CDKAL1: variants seen among roughly 807,000 people sequenced by gnomAD.
The protein encoded by CDKAL1 is CDKAL1 threonylcarbamoyladenosine tRNA methylthiotransferase, also known as threonylcarbamoyladenosine tRNA methylthiotransferase.
In CDKAL1, 32 loss-of-function variants were observed where a neutral mutation model predicts 68.2. That is an observed-to-expected ratio of 0.47 (90% CI 0.35 to 0.63). CDKAL1 has a LOEUF of 0.63. Among genes scored for constraint, CDKAL1 ranks in the 30% least tolerant of loss-of-function variants. The probability of loss-of-function intolerance (pLI) is 0.00; values close to 1 mark genes in which losing one functional copy is unlikely to be tolerated. For synonymous variants in CDKAL1, 234 were observed against 244.3 expected (o/e 0.96, Z 0.39); for missense variants, 606 against 696.7 (o/e 0.87, Z 1.47).
At chr6:20,941,994 A>G (rs1763994592) in intron 9 of CDKAL1, among the ~76,000 whole-genome samples, 1 of 152,206 alleles carries the variant, frequency 6.6e-6, no homozygotes, top group Admixed American at 6.5e-5. Flanking sequence ...AGCTCTCTAG[A>G]TTAGCCTCTC....
chr6:21,057,674 T>A (rs1395549653), intron 11 of CDKAL1, among the ~76,000 whole-genome samples: 3 of 115,920 alleles, frequency 2.6e-5, no homozygotes, highest in African/African-American at 9.9e-5. Flanking sequence ...TAAATTTTCC[T>A]CTTAACACTG....
intron 13 of CDKAL1, among the ~76,000 whole-genome samples, chr6:21,167,507 A>T (rs1034373748): frequency 6.6e-6 from 1 of 152,204 alleles, no homozygotes; most frequent in African/African-American, 2.4e-5. Context: ...CATTTAGCCC[A>T]TGTCACCAGA....
At position 20,770,826 on chromosome 6, in the gene CDKAL1, A is replaced by G. The variant is rs369361819; in HGVS notation, c.518-10319A>G. Among the ~76,000 whole-genome samples, 47 of 152,350 alleles carry G rather than the reference A, an allele frequency of 3.1e-4. No individual in the cohort carries two copies. The South Asian group carries it at 9.5e-3, about 31-fold the overall frequency. On this transcript the variant is annotated intron_variant, in intron 7 of 15. Transcript: ENST00000274695. ...TCAGTCAAAAGCAGGAAATCTAGGAAAAGGTACTGTGAAATAGATATAATC... is the reference window on the plus strand; with the variant it reads ...TCAGTCAAAAGCAGGAAATCTAGGAGAAGGTACTGTGAAATAGATATAATC...
intron 9 of CDKAL1, among the ~76,000 whole-genome samples, chr6:20,923,089 CT>C (rs1019883668): frequency 6.6e-6 from 1 of 151,888 alleles, no homozygotes; most frequent in African/African-American, 2.4e-5. Context: ...CTCTCTCTCT[CT>C]TTTTTTCTTT....
intron 9 of CDKAL1, among the ~76,000 whole-genome samples, chr6:20,907,642 A>C (rs537052434): frequency 6.6e-6 from 1 of 152,244 alleles, no homozygotes; most frequent in Non-Finnish European, 1.5e-5. Flanking sequence ...CCATGGGACT[A>C]AGGGTTTATT....
chr6:21,069,939 G>C (rs921698294), intron 12 of CDKAL1, among the ~76,000 whole-genome samples: 1 of 151,620 alleles, frequency 6.6e-6, no homozygotes, highest in Non-Finnish European at 1.5e-5. Flanking sequence ...ACAGGCGCCC[G>C]CCACCACGCC....
chr6:20,721,737 T>TTTTTTTTTTTTTTG, intron 5 of CDKAL1, among the ~76,000 whole-genome samples: 1 of 140,140 alleles, frequency 7.1e-6, no homozygotes, highest in Non-Finnish European at 1.5e-5. Flanking sequence ...TTTTTTTTTT[T>TTTTTTTTTTTTTTG]TTTTTTTTTT....
At chr6:20,552,270 G>T (rs1332398301) in intron 4 of CDKAL1, among the ~76,000 whole-genome samples, 1 of 151,878 alleles carries the variant, frequency 6.6e-6, no homozygotes, top group South Asian at 2.1e-4. Context: ...GATCGCTTGA[G>T]CCTGAGAGGT....
intron 13 of CDKAL1, among the ~76,000 whole-genome samples, chr6:21,139,224 T>A (rs565577974): frequency 7.2e-5 from 11 of 152,342 alleles, no homozygotes; most frequent in African/African-American, 2.6e-4. Flanking sequence ...CACCTTTAAG[T>A]GGCTACTTTT....
At chr6:20,784,843 G>A (rs963632006) in intron 8 of CDKAL1, among the ~76,000 whole-genome samples, 1 of 151,944 alleles carries the variant, frequency 6.6e-6, no homozygotes, top group African/African-American at 2.4e-5. Context: ...ATGAGTTCTT[G>A]TTGCTGTACA....
At chr6:20,675,080 A>T (rs544150063) in intron 5 of CDKAL1, among the ~76,000 whole-genome samples, 20 of 151,234 alleles carry the variant, frequency 1.3e-4, no homozygotes, top group African/African-American at 4.1e-4. Context: ...TTTTTTTTTT[A>T]AATTGTTGTA....
chr6:20,750,982 A>AAAAAAG (rs1773897263), intron 6 of CDKAL1, among the ~76,000 whole-genome samples: 1 of 110,188 alleles, frequency 9.1e-6, no homozygotes, highest in Non-Finnish European at 2.0e-5. Flanking sequence ...AAAAAAAAAA[A>AAAAAAG]AAAGAAGTAA....
At chr6:20,997,798 C>G (rs1490427333) in intron 10 of CDKAL1, among the ~76,000 whole-genome samples, 4 of 152,094 alleles carry the variant, frequency 2.6e-5, no homozygotes, top group Non-Finnish European at 4.4e-5. Context: ...AGTTCGGGAA[C>G]TAGCTTATCA....
intron 10 of CDKAL1, among the ~76,000 whole-genome samples, chr6:20,996,750 A>C (rs1027028175): frequency 1.3e-5 from 2 of 152,240 alleles, no homozygotes; most frequent in Non-Finnish European, 2.9e-5. Flanking sequence ...GCTGTTGAAA[A>C]AATTTGCCAG....
At chr6:20,646,375 C>CTTT (rs545910517) in intron 4 of CDKAL1, among the ~76,000 whole-genome samples, 3 of 141,598 alleles carry the variant, frequency 2.1e-5, no homozygotes, top group Non-Finnish European at 4.7e-5. Context: ...TTTCTTCTTC[C>CTTT]TTTTTTTTTT....
intron 9 of CDKAL1, among the ~76,000 whole-genome samples, chr6:20,867,386 T>G (rs16884250): frequency 0.062 from 9,482 of 152,238 alleles, 897 homozygotes; most frequent in African/African-American, 0.21. Flanking sequence ...ATTTTGATTT[T>G]TGGTCATTTT....
chr6:21,013,593 A>G (rs980806919), intron 11 of CDKAL1, among the ~76,000 whole-genome samples: 1 of 152,246 alleles, frequency 6.6e-6, no homozygotes, highest in Non-Finnish European at 1.5e-5. Flanking sequence ...GGAGCCAGCT[A>G]TATTCAACAT....
chr6:20,957,553 A>G (rs1764836891), intron 10 of CDKAL1, among the ~76,000 whole-genome samples: 1 of 152,188 alleles, frequency 6.6e-6, no homozygotes, highest in South Asian at 2.1e-4. Context: ...AAATCCTCTG[A>G]AGTATGTATC....
chr6:21,146,356 G>A lies in CDKAL1; in HGVS notation c.1299+37893G>A, dbSNP rs116227905. 6.9e-3 allele frequency among the ~76,000 whole-genome samples: 1,048 copies of A among 152,210 alleles called. 14 individuals carry two copies. Among genetic ancestry groups the A allele is most frequent in the African/African-American group, 0.024 (1,004 of 41,520 alleles). ...TTGACCAAAAAAAATCACAGTTCAC[G>A]TCCCAGAGCCCAGGAGGAAAGGGTG... On this transcript the variant is annotated intron_variant, in intron 13 of 15. Coordinates refer to ENST00000274695, the MANE Select transcript of CDKAL1 (RefSeq NM_017774.3).
Sources: gnomAD v4.1 joint callset for allele counts (sites outside exome capture counted in the v4.1 genomes callset) on GRCh38, gnomAD v4.1.1 for gene constraint, MANE v1.5 for transcripts, NCBI Gene and HGNC (gene_info 2026-07-23, HGNC 2026-07-21) for gene names.